The following SLC12A7 variants were observed in gnomAD, a reference collection of about 807,000 sequenced individuals.
SLC12A7 encodes K-Cl cotransporter 4.
SLC12A7 carries 100 observed loss-of-function variants against 120.6 expected under a neutral mutation model. The ratio of observed to expected loss-of-function variants is 0.83; its 90% CI spans 0.71 to 0.98. The LOEUF is 0.98. Among genes scored for constraint, SLC12A7 ranks in the 50% least tolerant of loss-of-function variants. The pLI, the probability that SLC12A7 is intolerant of heterozygous loss-of-function variation, is 0.00. For missense variants in SLC12A7, 1,373 were observed against 1,548.1 expected, an observed-to-expected ratio of 0.89 and a Z score of 1.90; for synonymous variants, 760 against 678.0, an observed-to-expected ratio of 1.12 and a Z score of -1.88.
intron 20 of SLC12A7, among the ~76,000 whole-genome samples, chr5:1,061,577 C>T (rs1035691303): frequency 3.3e-5 from 5 of 151,706 alleles, no homozygotes; most frequent in African/African-American, 9.7e-5. Flanking sequence ...ACCCGCCGTG[C>T]GGGATCCCTG....
chr5:1,088,401 C>T (rs1423310528), intron 4 of SLC12A7, 41 bp from the exon 5 acceptor site: 2 of 1,552,356 alleles, frequency 1.3e-6, no homozygotes, highest in East Asian at 2.4e-5. Context: ...AGTTTTCCAA[C>T]AGCCTGCCGG....
chr5:1,075,346 T>C (rs753317189), intron 15 of SLC12A7, 25 bp downstream of exon 15: 2 of 1,603,654 alleles, frequency 1.2e-6, no homozygotes, highest in Non-Finnish European at 8.5e-7. Context: ...GCGCCGGGTC[T>C]GTAAGGGGGG....
the SLC12A7 span, among the ~76,000 whole-genome samples, chr5:1,148,440 T>C: frequency 6.6e-6 from 1 of 152,110 alleles, no homozygotes; most frequent in South Asian, 2.1e-4. Flanking sequence ...CTCCTGACCT[T>C]GTGATCCACC....
At chr5:1,139,992 G>A in the SLC12A7 span, among the ~76,000 whole-genome samples, 1 of 152,224 alleles carries the variant, frequency 6.6e-6, no homozygotes, top group African/African-American at 2.4e-5. Flanking sequence ...GGGACATGCT[G>A]GAAGGTGTCA....
chr5:1,086,637 T>C (rs1739886445), intron 6 of SLC12A7, among the ~76,000 whole-genome samples: 1 of 152,214 alleles, frequency 6.6e-6, no homozygotes, highest in Non-Finnish European at 1.5e-5. Context: ...GGCTCAGATC[T>C]ACAGTCCAGA....
intron 22 of SLC12A7, among the ~76,000 whole-genome samples, chr5:1,055,384 C>A (rs1735503643): frequency 6.6e-6 from 1 of 152,230 alleles, no homozygotes; most frequent in African/African-American, 2.4e-5. Flanking sequence ...CGAGCACGCA[C>A]ACAAACAGAC....
At chr5:1,134,468 T>TC in the SLC12A7 span, among the ~76,000 whole-genome samples, 1 of 145,862 alleles carries the variant, frequency 6.9e-6, no homozygotes, top group African/African-American at 2.8e-5. Flanking sequence ...AAAATTCTGT[T>TC]TAAAAAAAAA....
At chr5:1,096,507 A>T (rs1315892889) in intron 1 of SLC12A7, among the ~76,000 whole-genome samples, 1 of 151,116 alleles carries the variant, frequency 6.6e-6, no homozygotes, top group Non-Finnish European at 1.5e-5. Flanking sequence ...GCCCTTCCCC[A>T]CTCCTCTTCA....
intron 9 of SLC12A7, among the ~76,000 whole-genome samples, chr5:1,080,987 G>A (rs1411529342): frequency 2.4e-5 from 3 of 127,610 alleles, no homozygotes; most frequent in Admixed American, 7.6e-5. Flanking sequence ...ACACACTACA[G>A]AGAGAGAGAC....
intron 1 of SLC12A7, among the ~76,000 whole-genome samples, chr5:1,099,768 C>T (rs1275168495): frequency 4.6e-5 from 7 of 152,202 alleles, no homozygotes; most frequent in African/African-American, 1.2e-4. Flanking sequence ...TCTCAGTTTG[C>T]GCCAAGCTCA....
chr5:1,061,387 ACCCGCCGTACCTG>A (rs1186293724), intron 20 of SLC12A7, among the ~76,000 whole-genome samples: 9 of 24,334 alleles, frequency 3.7e-4, no homozygotes, highest in African/African-American at 1.0e-3. Flanking sequence ...CACCCGCCGC[ACCCGCCGTACCTG>A]CCGCATCCGC....
chr5:1,056,855 G>C (rs1330332665), intron 22 of SLC12A7, among the ~76,000 whole-genome samples: 5 of 152,226 alleles, frequency 3.3e-5, no homozygotes. Context: ...GTACAGCCCT[G>C]GTGTTCGCAG....
intron 3 of SLC12A7, among the ~76,000 whole-genome samples, chr5:1,091,367 G>A (rs1740476287): frequency 6.6e-6 from 1 of 152,238 alleles, no homozygotes; most frequent in Non-Finnish European, 1.5e-5. Flanking sequence ...CAGGCAGAGG[G>A]GTTGGAGCTG....
At chr5:1,080,631 A>G (rs375831940) in intron 9 of SLC12A7, among the ~76,000 whole-genome samples, 1 of 152,198 alleles carries the variant, frequency 6.6e-6, no homozygotes, top group Non-Finnish European at 1.5e-5. Context: ...AAGAAGGCCG[A>G]GTGGAGACAG....
At chr5:1,127,035 A>C in the SLC12A7 span, among the ~76,000 whole-genome samples, 2 of 150,760 alleles carry the variant, frequency 1.3e-5, no homozygotes, top group Non-Finnish European at 3.0e-5. Flanking sequence ...TTTTTTTTTT[A>C]GACGAAGTCT....
rs1403830625 is a variant in SLC12A7, at chr5:1,077,458, G to A, written c.1629+375C>T. ...GCAGCCACACACACTGGCTGCAGGT[G>A]GCTGGTGACGCCACCTCCCACGGGC... On this transcript the variant is annotated intron_variant, in intron 12 of 23. Coordinates refer to ENST00000264930, the MANE Select transcript of SLC12A7 (RefSeq NM_006598.3). 2.0e-5 allele frequency among the ~76,000 whole-genome samples: 3 copies of A among 152,208 alleles called. No individual in the cohort carries two copies. The East Asian group carries it at 5.8e-4, about 29-fold the overall frequency.
intron 17 of SLC12A7, among the ~76,000 whole-genome samples, chr5:1,069,905 T>G (rs547442129): frequency 6.6e-6 from 1 of 152,090 alleles, no homozygotes; most frequent in Admixed American, 6.5e-5. Flanking sequence ...GGCACCAGCA[T>G]GCTACACGCC....
intron 3 of SLC12A7, among the ~76,000 whole-genome samples, chr5:1,093,146 G>A (rs1468406170): frequency 2.0e-5 from 3 of 152,158 alleles, no homozygotes; most frequent in Non-Finnish European, 2.9e-5. Context: ...AAAGGAGGGC[G>A]GCCCCTGGGA....
chr5:1,054,354 AAGTAGG>A lies in SLC12A7; in HGVS notation c.3027-878_3027-873del, dbSNP rs1218774711. On this transcript the variant is annotated intron_variant, in intron 22 of 23. Coordinates refer to ENST00000264930, the MANE Select transcript of SLC12A7 (RefSeq NM_006598.3). Reference sequence around the variant, plus strand: ...CAGCCCCACAGGAGGCTCCCCAACCAAGTAGGTTTGGGGACACTGCAGAATCATGCT... The same window carrying A: ...CAGCCCCACAGGAGGCTCCCCAACCATTTGGGGACACTGCAGAATCATGCT... 5.3e-5 allele frequency among the ~76,000 whole-genome samples: 8 copies of A among 152,068 alleles called. No homozygotes were observed. The East Asian group carries it at 1.6e-3, about 30-fold the overall frequency.
Sources: gnomAD v4.1 joint callset for allele counts (sites outside exome capture counted in the v4.1 genomes callset) on GRCh38, gnomAD v4.1.1 for gene constraint, MANE v1.5 for transcripts, NCBI Gene and HGNC (gene_info 2026-07-23, HGNC 2026-07-21) for gene names.